DOCK3: variants seen among roughly 807,000 people sequenced by gnomAD.
DOCK3 encodes the protein dedicator of cytokinesis protein 3.
Under a neutral mutation model 265.6 loss-of-function variants are expected in DOCK3, and 60 were observed. That is an observed-to-expected ratio of 0.23 (90% confidence interval 0.18 to 0.28). The LOEUF (loss-of-function observed/expected upper bound fraction) is 0.28. Among genes scored for constraint, DOCK3 ranks in the 10% least tolerant of loss-of-function variants. The pLI is 1.00. For synonymous variants in DOCK3, 881 were observed against 938.0 expected, an observed-to-expected ratio of 0.94 and a Z score of 1.11; for missense variants, 1,981 against 2,594.3, an observed-to-expected ratio of 0.76 and a Z score of 5.14.
chr3:51,118,499 G>A (rs1162655810), intron 9 of DOCK3, among the ~76,000 whole-genome samples: 1 of 152,158 alleles, frequency 6.6e-6, no homozygotes, highest in Non-Finnish European at 1.5e-5. Context: ...CTGAATTCAA[G>A]TCCTGAATAT....
At chr3:51,261,149 C>T (rs947870934) in intron 23 of DOCK3, among the ~76,000 whole-genome samples, 2 of 117,068 alleles carry the variant, frequency 1.7e-5, no homozygotes, top group Admixed American at 8.5e-5. Flanking sequence ...GGAACAGCTC[C>T]GGACTGCAGC....
At chr3:50,925,689 G>GAAAGA (rs929521928) in intron 4 of DOCK3, among the ~76,000 whole-genome samples, 32 of 152,284 alleles carry the variant, frequency 2.1e-4, no homozygotes, top group African/African-American at 7.5e-4. Flanking sequence ...ATATTGTTTT[G>GAAAGA]AAAGAAAACT....
intron 5 of DOCK3, among the ~76,000 whole-genome samples, chr3:50,976,724 T>C (rs1410402459): frequency 6.6e-6 from 1 of 151,442 alleles, no homozygotes; most frequent in East Asian, 1.9e-4. Context: ...TGTTGATCTG[T>C]CTAATGTTGA....
At chr3:51,283,638 A>G (rs2081256305) in intron 27 of DOCK3, among the ~76,000 whole-genome samples, 1 of 152,188 alleles carries the variant, frequency 6.6e-6, no homozygotes, top group South Asian at 2.1e-4. Context: ...CCTGAGCAGC[A>G]GATTGGCACT....
intron 44 of DOCK3, among the ~76,000 whole-genome samples, chr3:51,357,386 G>A (rs757992093): frequency 6.6e-6 from 1 of 152,070 alleles, no homozygotes; most frequent in Non-Finnish European, 1.5e-5. Context: ...CCTGATTATG[G>A]GAGGATGTTA....
chr3:50,679,070 C>T (rs532139439), intron 1 of DOCK3, among the ~76,000 whole-genome samples: 5 of 152,226 alleles, frequency 3.3e-5, no homozygotes, highest in Non-Finnish European at 7.3e-5. Flanking sequence ...GCCTCGGCCT[C>T]CCGAAGTGCT....
rs1241471426 is a variant in DOCK3, at chr3:51,160,843, A to AAGGTGGGCAAATCACAAGGTC, written c.1037+145_1037+165dup. Reference sequence around the variant, plus strand: ...TGTATTCCCAACACTTTGGGAGGCCAAGGTGGGCAAATCACAAGGTCAGGA... The same window carrying AAGGTGGGCAAATCACAAGGTC: ...TGTATTCCCAACACTTTGGGAGGCCAAGGTGGGCAAATCACAAGGTCAGGTGGGCAAATCACAAGGTCAGGA... On this transcript the variant is annotated intron_variant, in intron 12 of 52. Coordinates refer to ENST00000266037, the MANE Select transcript of DOCK3 (RefSeq NM_004947.5). 11 of 1,014,516 alleles carry AAGGTGGGCAAATCACAAGGTC rather than the reference A, an allele frequency of 1.1e-5. No individual in the cohort carries two copies. The East Asian group carries it at 3.2e-4, about 30-fold the overall frequency. The allele number at this position is 1,014,516 out of a possible 1,614,324, so 62.8% of individuals were successfully genotyped here.
intron 49 of DOCK3, 71 bp downstream of exon 49, chr3:51,362,745 C>T (rs916067121): frequency 5.8e-6 from 9 of 1,556,856 alleles, no homozygotes; most frequent in Non-Finnish European, 7.8e-6. Context: ...GGCTTCCTCT[C>T]ATCTGTGGCT....
At chr3:51,249,569 C>A (rs1397689380) in intron 22 of DOCK3, among the ~76,000 whole-genome samples, 15 of 117,968 alleles carry the variant, frequency 1.3e-4, no homozygotes, top group Non-Finnish European at 2.2e-4. Context: ...CAGCCCCCCG[C>A]CCGGCCAGCC....
At chr3:51,284,126 G>T (rs2081286187) in intron 27 of DOCK3, among the ~76,000 whole-genome samples, 1 of 151,958 alleles carries the variant, frequency 6.6e-6, no homozygotes, top group Non-Finnish European at 1.5e-5. Context: ...CTCCTGGAAA[G>T]AATTGTCCAC....
At chr3:51,136,388 G>A (rs955732496) in intron 9 of DOCK3, among the ~76,000 whole-genome samples, 1 of 151,880 alleles carries the variant, frequency 6.6e-6, no homozygotes, top group South Asian at 2.1e-4. Flanking sequence ...CACCACACCC[G>A]GCTAATTTTT....
chr3:51,015,307 A>G (rs981477784), intron 5 of DOCK3, among the ~76,000 whole-genome samples: 1 of 151,940 alleles, frequency 6.6e-6, no homozygotes, highest in Non-Finnish European at 1.5e-5. Flanking sequence ...GTATGTTTCT[A>G]ATGTACCCAG....
chr3:51,170,591 C>CT (rs1355980564), intron 12 of DOCK3, among the ~76,000 whole-genome samples: 1 of 152,058 alleles, frequency 6.6e-6, no homozygotes, highest in Non-Finnish European at 1.5e-5. Flanking sequence ...AATGTTTCCT[C>CT]TTTCATTTAT....
At chr3:51,235,738 G>T (rs544691277) in intron 19 of DOCK3, among the ~76,000 whole-genome samples, 1 of 152,204 alleles carries the variant, frequency 6.6e-6, no homozygotes, top group Admixed American at 6.5e-5. Flanking sequence ...CTTTGTTTTT[G>T]CATCTCAGAA....
intron 5 of DOCK3, among the ~76,000 whole-genome samples, chr3:50,992,015 G>A (rs1423427615): frequency 2.6e-5 from 4 of 152,128 alleles, no homozygotes; most frequent in Non-Finnish European, 5.9e-5. Flanking sequence ...TGAAATTAAG[G>A]TGAATATAAG....
At chr3:50,947,291 G>C (rs2076453717) in intron 5 of DOCK3, among the ~76,000 whole-genome samples, 1 of 152,060 alleles carries the variant, frequency 6.6e-6, no homozygotes. Context: ...ATAATAGTTT[G>C]AAAGCATTTA....
chr3:51,021,074 CACGAT>C (rs1009094904), intron 5 of DOCK3, among the ~76,000 whole-genome samples: 1 of 151,946 alleles, frequency 6.6e-6, no homozygotes, highest in African/African-American at 2.4e-5. Context: ...TGGCCATTTT[CACGAT>C]ATTGATTCTT....
intron 1 of DOCK3, among the ~76,000 whole-genome samples, chr3:50,735,723 A>G (rs9867489): frequency 0.77 from 116,647 of 151,998 alleles, 45,706 homozygotes; most frequent in Middle Eastern, 0.88. Context: ...ATGAACTCTT[A>G]TTATATTAGC....
chr3:50,904,677 C>T (rs528966376), intron 4 of DOCK3, among the ~76,000 whole-genome samples: 1 of 151,262 alleles, frequency 6.6e-6, no homozygotes, highest in African/African-American at 2.5e-5. Context: ...GATATTAGCC[C>T]ATTGTCAGAT....
Sources: gnomAD v4.1 joint callset for allele counts (sites outside exome capture counted in the v4.1 genomes callset) on GRCh38, gnomAD v4.1.1 for gene constraint, MANE v1.5 for transcripts, NCBI Gene and HGNC (gene_info 2026-07-23, HGNC 2026-07-21) for gene names.